The following FAM174A variants were observed in gnomAD, a reference collection of about 807,000 sequenced individuals.
FAM174A encodes family with sequence similarity 174 member A.
A neutral mutation model predicts 14.3 loss-of-function variants in FAM174A; 14 were observed. The observed-to-expected ratio is 0.98, with a 90% confidence interval of 0.65 to 1.53. The LOEUF is 1.53. Ranked by LOEUF, FAM174A falls within the 40% of genes most tolerant of loss-of-function variation. The pLI is 0.00. For missense variants in FAM174A, 241 were observed against 249.6 expected, an observed-to-expected ratio of 0.97 and a Z score of 0.23; for synonymous variants, 108 against 111.4, an observed-to-expected ratio of 0.97 and a Z score of 0.19.
At chr5:100,571,691 TAC>T (rs1554047766) in intron 2 of FAM174A, among the ~76,000 whole-genome samples, 42 of 146,568 alleles carry the variant, frequency 2.9e-4, no homozygotes, top group Admixed American at 5.5e-4. Context: ...TATATATATA[TAC>T]ACACACACAC....
intron 1 of FAM174A, among the ~76,000 whole-genome samples, chr5:100,545,167 G>A (rs1490602678): frequency 2.0e-5 from 3 of 152,192 alleles, no homozygotes; most frequent in South Asian, 4.2e-4. Flanking sequence ...CTTTGGTGAA[G>A]ACTACATTTA....
intron 1 of FAM174A, among the ~76,000 whole-genome samples, chr5:100,554,806 A>G (rs1746337054): frequency 6.6e-6 from 1 of 152,118 alleles, no homozygotes; most frequent in African/African-American, 2.4e-5. Context: ...TCAATCATCC[A>G]TCTATATATT....
chr5:100,558,212 G>A (rs1294042331), intron 1 of FAM174A, among the ~76,000 whole-genome samples: 2 of 152,148 alleles, frequency 1.3e-5, no homozygotes, highest in Non-Finnish European at 2.9e-5. Flanking sequence ...AGTCATTCAG[G>A]AGCAGGTTGT....
In FAM174A at chr5:100,535,480, A is replaced by G; in HGVS notation, c.-51A>G. The G allele has an allele frequency of 1.3e-6, 2 of 1,595,972 alleles. No homozygotes were observed. Among genetic ancestry groups the G allele is most frequent in the Non-Finnish European group, 8.6e-7 (1 of 1,168,702 alleles). The stretch of plus-strand genomic sequence containing the variant: ...CGCGCCTATGGTCCCTCTTGGAGCC[A>G]GCGTGGCGGGCCTGGCGGCTCCCGG... On this transcript the variant is annotated 5_prime_UTR_variant, in exon 1 of 3. Coordinates refer to ENST00000312637, the MANE Select transcript of FAM174A (RefSeq NM_198507.3).
chr5:100,572,138 G>T (rs954702790), intron 2 of FAM174A, among the ~76,000 whole-genome samples: 2 of 151,036 alleles, frequency 1.3e-5, no homozygotes, highest in Admixed American at 1.3e-4. Flanking sequence ...CAGTTCAGTA[G>T]TATTCCTGCT....
chr5:100,576,975 T>A (rs1746917867), intron 2 of FAM174A, among the ~76,000 whole-genome samples: 2 of 152,182 alleles, frequency 1.3e-5, no homozygotes, highest in South Asian at 4.1e-4. Flanking sequence ...TTACTCTCGC[T>A]TTTCTCGAAG....
intron 2 of FAM174A, among the ~76,000 whole-genome samples, chr5:100,578,496 C>A (rs1387079598): frequency 6.6e-6 from 1 of 152,010 alleles, no homozygotes; most frequent in Non-Finnish European, 1.5e-5. Context: ...AACAAAAATC[C>A]AAAAAACTTA....
chr5:100,554,801 C>T (rs1401789817), intron 1 of FAM174A, among the ~76,000 whole-genome samples: 1 of 152,104 alleles, frequency 6.6e-6, no homozygotes, highest in African/African-American at 2.4e-5. Context: ...ATCTATCAAT[C>T]ATCCATCTAT....
rs150003162 is a variant in FAM174A at position 100,564,755 on chromosome 5, C to G, written c.569+2567C>G. On this transcript the variant is annotated intron_variant, in intron 2 of 2. Coordinates refer to ENST00000312637, the MANE Select transcript of FAM174A (RefSeq NM_198507.3). The stretch of plus-strand genomic sequence containing the variant: ...TGAGACTACTATGAACAATTATATG[C>G]CAACAAATTTGATAACCTAGAAAAA... Among the ~76,000 whole-genome samples, 777 of 151,794 alleles carry G rather than the reference C, an allele frequency of 5.1e-3. 9 individuals are homozygous for G. The highest frequency in any genetic ancestry group is 0.017 in the African/African-American group (721 of 41,480).
At chr5:100,553,461 G>A (rs1054241146) in intron 1 of FAM174A, among the ~76,000 whole-genome samples, 2 of 152,006 alleles carry the variant, frequency 1.3e-5, no homozygotes, top group African/African-American at 2.4e-5. Context: ...GTAGCTGTAT[G>A]ACCACATAAT....
At position 100,537,813 on chromosome 5, in the gene FAM174A, T is replaced by C. The variant is rs183535094; in HGVS notation, c.434+1849T>C. Among the ~76,000 whole-genome samples, 80 of 152,330 alleles carry C rather than the reference T, an allele frequency of 5.3e-4. No homozygotes were observed. The Middle Eastern group carries it at 0.014, about 26-fold the overall frequency. ...ATAAAAATGCATGGCCCCTTGAATG[T>C]TGTATCTCTTATACATAAAAATGAT... On this transcript the variant is annotated intron_variant, in intron 1 of 2. Transcript: ENST00000312637.
chr5:100,541,962 C>T (rs1746062615), intron 1 of FAM174A, among the ~76,000 whole-genome samples: 2 of 152,162 alleles, frequency 1.3e-5, no homozygotes, highest in Admixed American at 6.5e-5. Flanking sequence ...ATTCCATGAA[C>T]TCTTCTTCCT....
chr5:100,572,900 C>A (rs1361632129), intron 2 of FAM174A, among the ~76,000 whole-genome samples: 4 of 152,168 alleles, frequency 2.6e-5, no homozygotes, highest in Admixed American at 6.5e-5. Context: ...TCTCCACATC[C>A]TCTCCAGCAC....
At chr5:100,581,137 C>T (rs1441744996) in intron 2 of FAM174A, among the ~76,000 whole-genome samples, 2 of 152,084 alleles carry the variant, frequency 1.3e-5, no homozygotes, top group African/African-American at 2.4e-5. Flanking sequence ...ACCATGTTGG[C>T]CAGGCTGGTC....
At chr5:100,572,481 T>C (rs1400870590) in intron 2 of FAM174A, among the ~76,000 whole-genome samples, 3 of 136,834 alleles carry the variant, frequency 2.2e-5, no homozygotes, top group African/African-American at 8.2e-5. Context: ...AGTTCCCACC[T>C]ATGAGTGAGA....
intron 2 of FAM174A, among the ~76,000 whole-genome samples, chr5:100,566,754 C>T (rs1398354500): frequency 5.9e-5 from 9 of 151,700 alleles, no homozygotes; most frequent in African/African-American, 1.9e-4. Context: ...ACCAATTATA[C>T]CTCAGTAAAG....
In FAM174A at chr5:100,554,276, C is replaced by G. The variant is rs6860745; in HGVS notation, c.435-7778C>G. On this transcript the variant is annotated intron_variant, in intron 1 of 2. Transcript: ENST00000312637. Reference sequence around the variant, plus strand: ...CATTAAATGATATGTTTCAAAAGCACCAATAGTAAACTAACTTCCCTCTAT... The same window carrying G: ...CATTAAATGATATGTTTCAAAAGCAGCAATAGTAAACTAACTTCCCTCTAT... 8.1e-3 allele frequency among the ~76,000 whole-genome samples: 1,231 copies of G among 151,428 alleles called. 13 individuals carry two copies. The highest frequency in any genetic ancestry group is 0.028 in the African/African-American group (1,171 of 41,304).
chr5:100,556,713 G>A (rs540829401), intron 1 of FAM174A, among the ~76,000 whole-genome samples: 1 of 152,246 alleles, frequency 6.6e-6, no homozygotes, highest in South Asian at 2.1e-4. Flanking sequence ...AATTGTGAAT[G>A]GAAGTTCACT....
chr5:100,553,995 G>A (rs981269949), intron 1 of FAM174A, among the ~76,000 whole-genome samples: 13 of 152,092 alleles, frequency 8.5e-5, no homozygotes, highest in Non-Finnish European at 1.9e-4. Context: ...AACAATGACA[G>A]GTTAACATAT....
Sources: allele counts gnomAD v4.1 joint callset (sites outside exome capture counted in the v4.1 genomes callset), GRCh38; gene constraint gnomAD v4.1.1; transcripts MANE v1.5; gene names NCBI Gene and HGNC (gene_info 2026-07-23, HGNC 2026-07-21).